The following RARS1 variants were observed in gnomAD, a reference collection of about 807,000 sequenced individuals.
RARS1 encodes arginine--tRNA ligase, cytoplasmic.
Under a neutral mutation model 78.7 loss-of-function variants are expected in RARS1, and 75 were observed. The observed-to-expected ratio is 0.95, with a 90% CI of 0.79 to 1.15. RARS1 has a LOEUF of 1.15. RARS1 is among the 50% of genes most tolerant of loss of function. RARS1 has a pLI of 0.00. For missense variants in RARS1, 787 were observed against 787.5 expected (o/e 1.00, Z 0.01); for synonymous variants, 273 against 268.2 (o/e 1.02, Z -0.18).
chr5:168,497,445 T>C lies in RARS1; in HGVS notation c.822+97T>C. The C allele has an allele frequency of 1.1e-5, 12 of 1,071,190 alleles. No individual in the cohort carries two copies. The South Asian group carries it at 2.6e-4, about 23-fold the overall frequency. 66.4% of individuals were successfully genotyped at this position (1,071,190 alleles called of 1,614,324 possible). A position where few individuals can be genotyped will look rare whatever the true frequency, so the allele number is the denominator to read the frequency against. On this transcript the variant is annotated intron_variant, in intron 7 of 14. Coordinates refer to ENST00000231572, the MANE Select transcript of RARS1 (RefSeq NM_002887.4). ...CTTAAAATGGTTTTTAAAGCTACTATGGAGTTAAGTGAAAGTTGCTAACAG... is the reference window on the plus strand; with the variant it reads ...CTTAAAATGGTTTTTAAAGCTACTACGGAGTTAAGTGAAAGTTGCTAACAG...
In RARS1 at chr5:168,518,055, A is replaced by T. The variant is rs1419091508; in HGVS notation, c.1866A>T (p.Arg622Ser). The T allele has an allele frequency of 2.6e-6, 3 of 1,169,514 alleles. No homozygotes were observed. Among genetic ancestry groups the T allele is most frequent in the Non-Finnish European group, 3.4e-6 (3 of 877,846 alleles). The allele number at this position is 1,169,514 out of a possible 1,614,324, so 72.4% of individuals were successfully genotyped here. A position where few individuals can be genotyped will look rare whatever the true frequency, so the allele number is the denominator to read the frequency against. ...GCTGCTACTGTGTGGAGAAAGATAG[A>T]CAGACTGGTGAGTGTCTTTTTTTTT... ...YDSCYCVEKD[R>S]QTGKILKVNM... Residue 622 changes from arginine to serine, a missense_variant, in exon 14 of 15, where the codon AGA becomes AGT. Coordinates refer to ENST00000231572, the MANE Select transcript of RARS1 (RefSeq NM_002887.4).
intron 11 of RARS1, among the ~76,000 whole-genome samples, chr5:168,507,877 C>CAA (rs1195791208): frequency 3.6e-4 from 35 of 97,280 alleles, no homozygotes; most frequent in African/African-American, 9.2e-4. Flanking sequence ...CCATATCTGC[C>CAA]AAAAAAAAAA....
chr5:168,488,723 A>T lies in RARS1; in HGVS notation c.167A>T (p.Asn56Ile). 15 of 1,606,080 alleles carry T rather than the reference A, an allele frequency of 9.3e-6. No homozygotes were observed. The highest frequency in any genetic ancestry group is 1.3e-5 in the Non-Finnish European group (15 of 1,177,772). ...AATTTAAAATTAAAGTATCGACTGA[A>T]TATTCTTCGAAAGGTGAGTACTTTG... ...EENLKLKYRLNILRKSLQAER... is the reference protein window; with the variant it reads ...EENLKLKYRLIILRKSLQAER... The change falls in exon 2 of 15, where the codon AAT (asparagine) becomes ATT (isoleucine). Residue 56 changes from asparagine (N) to isoleucine (I), a missense_variant. Transcript: ENST00000231572.
At chr5:168,498,655 A>AT (rs1164439037) in intron 7 of RARS1, among the ~76,000 whole-genome samples, 1 of 151,890 alleles carries the variant, frequency 6.6e-6, no homozygotes. Flanking sequence ...GTACACTTGG[A>AT]TTTTTTTCCC....
At chr5:168,499,349 G>A (rs1245711774) in intron 7 of RARS1, among the ~76,000 whole-genome samples, 1 of 152,048 alleles carries the variant, frequency 6.6e-6, no homozygotes, top group Non-Finnish European at 1.5e-5. Flanking sequence ...TATGGTGGAA[G>A]GATCATAAAG....
At chr5:168,517,089 G>T in intron 13 of RARS1, 139 bp downstream of exon 13, 1 of 875,314 alleles carries the variant, frequency 1.1e-6, no homozygotes. Flanking sequence ...CTCCTGAGTA[G>T]CTGGGATTAC....
At chr5:168,491,600 A>T (rs1582427144) in intron 2 of RARS1, among the ~76,000 whole-genome samples, 1 of 152,360 alleles carries the variant, frequency 6.6e-6, no homozygotes, top group Middle Eastern at 3.4e-3. Flanking sequence ...TGTCCATTCC[A>T]ATAGACCTGA....
intron 11 of RARS1, among the ~76,000 whole-genome samples, chr5:168,507,238 T>G (rs1582438066): frequency 6.6e-6 from 1 of 152,342 alleles, no homozygotes; most frequent in Middle Eastern, 3.4e-3. Context: ...GAGATTCCAA[T>G]TAAGTTTTAA....
At chr5:168,505,657 T>G (rs1439307647) in intron 9 of RARS1, among the ~76,000 whole-genome samples, 1 of 148,916 alleles carries the variant, frequency 6.7e-6, no homozygotes, top group African/African-American at 2.5e-5. Context: ...GAGAATCACT[T>G]GAGCCCAGGA....
rs370039858 is a variant in RARS1 at position 168,517,008 on chromosome 5, CA to C, written c.1625+63del. The C allele has an allele frequency of 1.8e-5, 26 of 1,451,924 alleles. No homozygotes were observed. The African/African-American group carries it at 2.6e-4, about 14-fold the overall frequency. 89.9% of individuals were successfully genotyped at this position (1,451,924 alleles called of 1,614,324 possible). A position where few individuals can be genotyped will look rare whatever the true frequency, so the allele number is the denominator to read the frequency against. On this transcript the variant is annotated intron_variant, in intron 13 of 14. Transcript: ENST00000231572. ...TCAAATGAAAGCATATTTAGTTACT[CA>C]AAAATATTTTCTTTTTTTTTTTTTG...
At chr5:168,486,951 C>T (rs892879929) in intron 1 of RARS1, among the ~76,000 whole-genome samples, 10 of 152,172 alleles carry the variant, frequency 6.6e-5, no homozygotes, top group African/African-American at 2.4e-4. Flanking sequence ...AGCCGCAGTT[C>T]TTCCCGGGTT....
At chr5:168,492,143 C>A (rs545395332) in intron 2 of RARS1, among the ~76,000 whole-genome samples, 4 of 151,954 alleles carry the variant, frequency 2.6e-5, no homozygotes, top group Admixed American at 6.6e-5. Flanking sequence ...GACTATATTC[C>A]ATGGGAAAAC....
intron 7 of RARS1, among the ~76,000 whole-genome samples, chr5:168,500,078 C>T (rs1193476128): frequency 6.6e-6 from 1 of 151,404 alleles, no homozygotes; most frequent in Non-Finnish European, 1.5e-5. Context: ...ATCCCAGCTA[C>T]TTGGAGGCTG....
chr5:168,506,292 A>C, intron 10 of RARS1, 93 bp downstream of exon 10: 2 of 1,071,250 alleles, frequency 1.9e-6, no homozygotes, highest in Non-Finnish European at 2.6e-6. Flanking sequence ...GATGACTGTA[A>C]ATTTTCCCCA....
intron 6 of RARS1, among the ~76,000 whole-genome samples, chr5:168,496,509 G>A (rs1758191377): frequency 6.6e-6 from 1 of 151,710 alleles, no homozygotes; most frequent in Non-Finnish European, 1.5e-5. Context: ...TGGAGACAGA[G>A]TCTTGCTCTG....
intron 9 of RARS1, among the ~76,000 whole-genome samples, chr5:168,502,382 A>ATTTTTTTTTTT (rs376556548): frequency 3.3e-5 from 4 of 119,404 alleles, no homozygotes; most frequent in South Asian, 2.5e-4. Context: ...ATATATATAT[A>ATTTTTTTTTTT]TATTTTTTTT....
chr5:168,489,210 G>C (rs1346573233), intron 2 of RARS1, among the ~76,000 whole-genome samples: 1 of 151,876 alleles, frequency 6.6e-6, no homozygotes, highest in Non-Finnish European at 1.5e-5. Context: ...ATAGAGATGG[G>C]GTCTTGCTGT....
intron 12 of RARS1, among the ~76,000 whole-genome samples, chr5:168,512,602 G>A (rs1009996674): frequency 2.6e-5 from 4 of 152,212 alleles, no homozygotes; most frequent in Non-Finnish European, 5.9e-5. Flanking sequence ...GCAAGCTGAA[G>A]AGCAAGGAGA....
chr5:168,500,604 G>A lies in RARS1; in HGVS notation c.836G>A (p.Arg279Lys), dbSNP rs1402072749. ...ATATATATACAGGAATCTAAGAAGAGGTTTGATACTGAGGAGGAATTTAAG... is the reference window on the plus strand; with the variant it reads ...ATATATATACAGGAATCTAAGAAGAAGTTTGATACTGAGGAGGAATTTAAG... ...LQVFYKESKK[R>K]FDTEEEFKKR... Residue 279 changes from arginine to lysine, a missense_variant, in exon 8 of 15, where the codon AGG becomes AAG. Arg to Lys is a conservative substitution (Grantham distance 26). Transcript: ENST00000231572. 14 of 1,561,910 alleles carry A rather than the reference G, an allele frequency of 9.0e-6. No individual in the cohort carries two copies. The highest frequency in any genetic ancestry group is 2.1e-5 in the Admixed American group (1 of 48,554).
Sources: gnomAD v4.1 joint callset for allele counts (sites outside exome capture counted in the v4.1 genomes callset) on GRCh38, gnomAD v4.1.1 for gene constraint, MANE v1.5 for transcripts, NCBI Gene and HGNC (gene_info 2026-07-23, HGNC 2026-07-21) for gene names.